Variants in SPSB1 observed in about 807,000 individuals in gnomAD.
SPSB1 encodes splA/ryanodine receptor domain and SOCS box containing 1.
In SPSB1, 8 loss-of-function variants were observed where a neutral mutation model predicts 21.2. The ratio of observed to expected loss-of-function variants is 0.38; its 90% CI spans 0.22 to 0.68. The LOEUF (loss-of-function observed/expected upper bound fraction) is 0.68, where lower values mean the gene tolerates loss of function less well. SPSB1 is among the 30% of genes least tolerant of loss of function. SPSB1 has a pLI of 0.53. For synonymous variants in SPSB1, 169 were observed against 161.7 expected (o/e 1.05, Z -0.34); for missense variants, 242 against 377.8 (o/e 0.64, Z 2.98).
intron 1 of SPSB1, among the ~76,000 whole-genome samples, chr1:9,299,550 G>A (rs1312558449): frequency 6.6e-6 from 1 of 151,990 alleles, no homozygotes; most frequent in Non-Finnish European, 1.5e-5. Context: ...TGCAATCTCG[G>A]CTCACTGCAA....
At chr1:9,331,321 GTTTTTTTTTTTT>G (rs34199175) in intron 1 of SPSB1, among the ~76,000 whole-genome samples, 32 of 53,704 alleles carry the variant, frequency 6.0e-4, no homozygotes, top group Admixed American at 1.2e-3. Context: ...TGGTGCTCTT[GTTTTTTTTTTTT>G]TTTTTTTTTT....
At chr1:9,294,537 A>G (rs1440375693) in intron 1 of SPSB1, 2 of 152,012 alleles carry the variant, frequency 1.3e-5, no homozygotes, top group Non-Finnish European at 2.9e-5. Context: ...TCCTCTCTCC[A>G]TTTCTCTGAA....
At chr1:9,343,848 C>T (rs1466589924) in intron 1 of SPSB1, among the ~76,000 whole-genome samples, 7 of 152,072 alleles carry the variant, frequency 4.6e-5, no homozygotes, top group Non-Finnish European at 1.0e-4. Flanking sequence ...TGCAGTGGCG[C>T]GATCTCGGCT....
chr1:9,356,646 G>T lies in SPSB1; in HGVS notation c.694+61G>T. ...CCCTCAGTCCCCATGGTCCTGGCTG[G>T]GCTCAGGCCAAAAGTTGATTCATTG... On this transcript the variant is annotated intron_variant, in intron 2 of 2. Coordinates refer to ENST00000328089, the MANE Select transcript of SPSB1 (RefSeq NM_025106.4). This position sits in a 1 kb window ranked among gnomAD's most constrained non-coding sequence, Gnocchi z 7.4. 1 of 1,524,900 alleles carries T rather than the reference G, an allele frequency of 6.6e-7. No individual in the cohort carries two copies. 94.5% of individuals were successfully genotyped at this position (1,524,900 alleles called of 1,614,324 possible).
chr1:9,357,225 A>G (rs1008610683), intron 2 of SPSB1, among the ~76,000 whole-genome samples: 3 of 150,844 alleles, frequency 2.0e-5, no homozygotes, highest in African/African-American at 4.9e-5. Flanking sequence ...GAATGAATGG[A>G]TGGATGGATG....
chr1:9,359,869 G>A (rs1215668860), intron 2 of SPSB1, among the ~76,000 whole-genome samples: 1 of 151,312 alleles, frequency 6.6e-6, no homozygotes, highest in East Asian at 2.0e-4. Flanking sequence ...TGGCGGGGGC[G>A]GCCCGGTTCC....
chr1:9,334,303 C>G (rs1639969960), intron 1 of SPSB1, among the ~76,000 whole-genome samples: 1 of 152,084 alleles, frequency 6.6e-6, no homozygotes, highest in South Asian at 2.1e-4. Flanking sequence ...CCAGGCTGCT[C>G]TCGAACTCTT....
At chr1:9,355,438 TGAG>T (rs1640346211) in intron 1 of SPSB1, among the ~76,000 whole-genome samples, 1 of 152,246 alleles carries the variant, frequency 6.6e-6, no homozygotes, top group African/African-American at 2.4e-5. Flanking sequence ...GGAACCCTGA[TGAG>T]GTATTTGGTG....
intron 1 of SPSB1, among the ~76,000 whole-genome samples, chr1:9,352,737 G>A (rs1211630564): frequency 2.0e-5 from 3 of 147,878 alleles, no homozygotes; most frequent in South Asian, 2.1e-4. Context: ...TACTCTCCTC[G>A]CCTCTTCCCC....
Position 9,368,592 on chromosome 1 carries a change from T to A in SPSB1, c.*1017T>A, listed in dbSNP as rs987412191. ...GTGGGTCTTTTGATGTGGGTTTGAT[T>A]TTGCTTTTGCTTTTCTAGCTGAGAT... On this transcript the variant is annotated 3_prime_UTR_variant, in exon 3 of 3. Transcript: ENST00000328089. The A allele has an allele frequency of 2.6e-5, 4 of 152,102 alleles. No homozygotes were observed. Among genetic ancestry groups the A allele is most frequent in the African/African-American group, 9.7e-5 (4 of 41,394 alleles). 9.4% of individuals were successfully genotyped at this position (152,102 alleles called of 1,614,324 possible).
In SPSB1 at chr1:9,324,644, T is replaced by C. The variant is rs931655776; in HGVS notation, c.-149-31099T>C. On this transcript the variant is annotated intron_variant, in intron 1 of 2. Coordinates refer to ENST00000328089, the MANE Select transcript of SPSB1 (RefSeq NM_025106.4). The surrounding 1 kb of genome is among the most constrained non-coding windows in gnomAD (Gnocchi z 4.3). Reference sequence around the variant, plus strand: ...AGGCTGAAACTGCCAGTGGCCAGCCTGTCTTGTTCCTATAAAGGGCACTTT... The same window carrying C: ...AGGCTGAAACTGCCAGTGGCCAGCCCGTCTTGTTCCTATAAAGGGCACTTT... Among the ~76,000 whole-genome samples the C allele has an allele frequency of 5.9e-5, 9 of 152,152 alleles. No individual in the cohort carries two copies. Among genetic ancestry groups the C allele is most frequent in the African/African-American group, 2.2e-4 (9 of 41,436 alleles).
intron 1 of SPSB1, among the ~76,000 whole-genome samples, chr1:9,325,413 C>T (rs1409606622): frequency 6.6e-6 from 1 of 152,098 alleles, no homozygotes; most frequent in Non-Finnish European, 1.5e-5. Flanking sequence ...AGCTTTGGAT[C>T]CAGTGGGGAA....
intron 1 of SPSB1, among the ~76,000 whole-genome samples, chr1:9,325,095 G>A (rs1639793480): frequency 6.6e-6 from 1 of 152,228 alleles, no homozygotes; most frequent in African/African-American, 2.4e-5. Context: ...GGACTCCAGA[G>A]CTCAGCACGT....
At position 9,305,052 on chromosome 1, in the gene SPSB1, C is replaced by T. The variant is rs980128076; in HGVS notation, c.-150+11981C>T. ...GCCTCCTGCGCCCAGACCCATCTGGCATTGCCTTCCCTACAGGGGCCTCTC... is the reference window on the plus strand; with the variant it reads ...GCCTCCTGCGCCCAGACCCATCTGGTATTGCCTTCCCTACAGGGGCCTCTC... On this transcript the variant is annotated intron_variant, in intron 1 of 2. Transcript: ENST00000328089. The surrounding 1 kb of genome is among the most constrained non-coding windows in gnomAD (Gnocchi z 4.8). Among the ~76,000 whole-genome samples the T allele has an allele frequency of 6.6e-6, 1 of 152,120 alleles. No homozygotes were observed. Among genetic ancestry groups the T allele is most frequent in the African/African-American group, 2.4e-5 (1 of 41,416 alleles).
rs578098751 is a variant in SPSB1, at chr1:9,345,564, G to A, written c.-149-10179G>A. ...TTCTCGTCTGCATCAGGCACAGTCC[G>A]TTGTCCTCGCCACCCTGACTAAGCT... On this transcript the variant is annotated intron_variant, in intron 1 of 2. Transcript: ENST00000328089. This position sits in a 1 kb window ranked among gnomAD's most constrained non-coding sequence, Gnocchi z 4.8. 4.6e-5 allele frequency among the ~76,000 whole-genome samples: 7 copies of A among 152,298 alleles called. No individual in the cohort carries two copies. Among genetic ancestry groups the A allele is most frequent in the South Asian group, 4.1e-4 (2 of 4,820 alleles).
At chr1:9,359,850 G>T (rs1304458092) in intron 2 of SPSB1, among the ~76,000 whole-genome samples, 1 of 151,310 alleles carries the variant, frequency 6.6e-6, no homozygotes, top group African/African-American at 2.4e-5. Flanking sequence ...TGGAAGCCGG[G>T]GGGGTGGGTG....
intron 1 of SPSB1, among the ~76,000 whole-genome samples, chr1:9,300,117 C>T (rs567774627): frequency 4.6e-5 from 7 of 152,192 alleles, no homozygotes; most frequent in Middle Eastern, 3.4e-3. Context: ...TACTGAAATT[C>T]GGGGACCTTC....
chr1:9,318,474 A>G (rs1057295617), intron 1 of SPSB1, among the ~76,000 whole-genome samples: 1 of 151,916 alleles, frequency 6.6e-6, no homozygotes, highest in African/African-American at 2.4e-5. Context: ...CCTCAAGACC[A>G]CCCTCCTTCC....
intron 1 of SPSB1, among the ~76,000 whole-genome samples, chr1:9,308,023 G>C (rs1313707800): frequency 6.6e-6 from 1 of 152,172 alleles, no homozygotes; most frequent in East Asian, 1.9e-4. Context: ...GCTGTTTCCA[G>C]GATTGGTTGC....
Sources: allele counts gnomAD v4.1 joint callset (sites outside exome capture counted in the v4.1 genomes callset), GRCh38; gene constraint gnomAD v4.1.1; non-coding constraint Gnocchi (gnomAD v3.1); transcripts MANE v1.5; gene names NCBI Gene and HGNC (gene_info 2026-07-23, HGNC 2026-07-21).